The following TRAPPC10 variants were observed in gnomAD, a reference collection of about 807,000 sequenced individuals.
The protein encoded by TRAPPC10 is TRAPP 130 kDa subunit.
TRAPPC10 carries 23 observed loss-of-function variants against 125.5 expected under a neutral mutation model. That is an observed-to-expected ratio of 0.18 (90% CI 0.13 to 0.26). The LOEUF (loss-of-function observed/expected upper bound fraction) is 0.26. TRAPPC10 is among the 10% of genes least tolerant of loss of function. TRAPPC10 has a pLI of 1.00. For missense variants in TRAPPC10, 1,123 were observed against 1,308.4 expected (o/e 0.86, Z 2.19); for synonymous variants, 509 against 518.0 (o/e 0.98, Z 0.24).
At chr21:44,019,987 C>CAAAAAGCT (rs2032317169) in intron 1 of TRAPPC10, among the ~76,000 whole-genome samples, 1 of 152,060 alleles carries the variant, frequency 6.6e-6, no homozygotes, top group African/African-American at 2.4e-5. Context: ...GTGCTCTCTC[C>CAAAAAGCT]CTTATGTGGC....
chr21:44,041,886 C>T (rs564496190), intron 3 of TRAPPC10, among the ~76,000 whole-genome samples: 6 of 151,828 alleles, frequency 4.0e-5, no homozygotes, highest in East Asian at 1.9e-4. Flanking sequence ...CCACCATGCC[C>T]GGCTAATTTT....
chr21:44,061,755 A>G (rs769190271), intron 6 of TRAPPC10, among the ~76,000 whole-genome samples: 1 of 152,162 alleles, frequency 6.6e-6, no homozygotes, highest in South Asian at 2.1e-4. Context: ...AATGCCTAGA[A>G]CTTAATCTGT....
chr21:44,049,880 T>TTC (rs201325844), intron 3 of TRAPPC10, among the ~76,000 whole-genome samples: 4 of 144,284 alleles, frequency 2.8e-5, no homozygotes, highest in Non-Finnish European at 1.5e-5. Flanking sequence ...CTTTCTTTCT[T>TTC]TTTTTTTTGT....
chr21:44,086,785 G>A lies in TRAPPC10; in HGVS notation c.2381-17G>A, dbSNP rs368509295. On this transcript the variant is annotated splice_polypyrimidine_tract_variant and intron_variant, in intron 15 of 22. Transcript: ENST00000291574. ...CCGGTTGGCAGCGGTGCTGAGCCAC[G>A]ATCTCTTTTCCTTTAGATAGCCTTC... 3 of 1,612,980 alleles carry A rather than the reference G, an allele frequency of 1.9e-6. No homozygotes were observed. The highest frequency in any genetic ancestry group is 1.3e-5 in the African/African-American group (1 of 75,020).
At chr21:44,064,434 T>C (rs904017223) in intron 7 of TRAPPC10, among the ~76,000 whole-genome samples, 4 of 151,958 alleles carry the variant, frequency 2.6e-5, no homozygotes, top group African/African-American at 9.7e-5. Context: ...GACATTGTAG[T>C]GAGATGAAAG....
chr21:44,094,059 C>G lies in TRAPPC10; in HGVS notation c.2998-4C>G, dbSNP rs767244298. 5.0e-6 allele frequency: 8 copies of G among 1,612,016 alleles called. No homozygotes were observed. Among genetic ancestry groups the G allele is most frequent in the African/African-American group, 4.0e-5 (3 of 74,828 alleles). ...TGAGCAGTGACCCCCAACTCTCTTT[C>G]CAGCCCATCTACAGCAAGCAGTCGG... On this transcript the variant is annotated splice_region_variant and splice_polypyrimidine_tract_variant and intron_variant, in intron 19 of 22. Transcript: ENST00000291574.
intron 1 of TRAPPC10, among the ~76,000 whole-genome samples, chr21:44,024,636 C>G (rs2032879186): frequency 6.6e-6 from 1 of 152,198 alleles, no homozygotes; most frequent in Admixed American, 6.5e-5. Flanking sequence ...CATAGCTCCT[C>G]TCTCTGAGAT....
intron 15 of TRAPPC10, among the ~76,000 whole-genome samples, chr21:44,086,220 C>G (rs2038121272): frequency 6.6e-6 from 1 of 152,232 alleles, no homozygotes; most frequent in Non-Finnish European, 1.5e-5. Context: ...TCTCTGTCCA[C>G]TCTCCCCCCG....
intron 3 of TRAPPC10, among the ~76,000 whole-genome samples, 164 bp from the exon 4 acceptor site, chr21:44,052,116 C>T (rs1024405198): frequency 2.0e-4 from 30 of 152,320 alleles, no homozygotes; most frequent in African/African-American, 5.8e-4. Context: ...AGAGCACGCC[C>T]GCAGGCTTGC....
chr21:44,023,288 G>A (rs555633676), intron 1 of TRAPPC10, among the ~76,000 whole-genome samples: 1 of 152,020 alleles, frequency 6.6e-6, no homozygotes, highest in African/African-American at 2.4e-5. Flanking sequence ...TCCCGCCTCA[G>A]CCTCCCAAAG....
At chr21:44,077,888 A>T in intron 11 of TRAPPC10, 104 bp downstream of exon 11, 1 of 805,498 alleles carries the variant, frequency 1.2e-6, no homozygotes, top group Non-Finnish European at 1.9e-6. Context: ...TTGTAGACTG[A>T]AAAGTGTAGA....
At chr21:44,033,504 A>G (rs902453362) in intron 2 of TRAPPC10, among the ~76,000 whole-genome samples, 1 of 152,278 alleles carries the variant, frequency 6.6e-6, no homozygotes, top group African/African-American at 2.4e-5. Context: ...GCATTCTGAT[A>G]GATAAAGGGA....
At chr21:44,016,495 C>A (rs748962631) in intron 1 of TRAPPC10, among the ~76,000 whole-genome samples, 2 of 152,178 alleles carry the variant, frequency 1.3e-5, no homozygotes, top group African/African-American at 4.8e-5. Flanking sequence ...TCATTAGTCA[C>A]ATCTGTTGCC....
chr21:44,034,773 G>T (rs940796257), intron 2 of TRAPPC10, among the ~76,000 whole-genome samples: 1 of 152,174 alleles, frequency 6.6e-6, no homozygotes, highest in Admixed American at 6.5e-5. Context: ...CCTTGTAAGA[G>T]GCAGAAGAGA....
chr21:44,087,802 A>C lies in TRAPPC10; in HGVS notation c.2643A>C (p.Glu881Asp), dbSNP rs776161165. ...ACCACGTGATCGAATTTGAACTGGA[A>C]GTTCTCTCTTTACCTTCAGCCCCAG... ...PAYHVIEFEL[E>D]VLSLPSAPAL... The change falls in exon 17 of 23, where the codon GAA becomes GAC. Residue 881 changes from glutamate to aspartate, a missense_variant. By Grantham distance (45) the Glu-to-Asp change is conservative. Coordinates refer to ENST00000291574, the MANE Select transcript of TRAPPC10 (RefSeq NM_003274.5). The surrounding 1 kb of genome is among the most constrained non-coding windows in gnomAD (Gnocchi z 4.6). The C allele has an allele frequency of 4.3e-6, 7 of 1,614,226 alleles. No individual in the cohort carries two copies. Among genetic ancestry groups the C allele is most frequent in the Non-Finnish European group, 5.1e-6 (6 of 1,180,050 alleles).
Position 44,083,008 on chromosome 21 carries a change from C to T in TRAPPC10, c.1944C>T (p.His648=). 6.2e-7 allele frequency: 1 copy of T among 1,614,052 alleles called. No homozygotes were observed. The highest frequency in any genetic ancestry group is 1.1e-5 in the South Asian group (1 of 91,078). ...YRKTAEWLTK[H]KTSNGIINFP... is the part of the protein sequence containing the mutation. ...AGACTGCGGAGTGGCTTACCAAGCA[C>T]AAGACGTCCAATGGGATCATTAACT... is the stretch of plus-strand genomic sequence containing the variant. Residue 648 remains histidine, a synonymous_variant, in exon 14 of 23, where the codon CAC becomes CAT. Transcript: ENST00000291574.
chr21:44,076,381 T>G (rs1281348064), intron 9 of TRAPPC10, among the ~76,000 whole-genome samples, 171 bp from the exon 10 acceptor site: 1 of 152,222 alleles, frequency 6.6e-6, no homozygotes. Flanking sequence ...TATGAATATG[T>G]GAATTGAAAG....
chr21:44,016,003 A>G (rs1049354807), intron 1 of TRAPPC10, among the ~76,000 whole-genome samples: 2 of 152,250 alleles, frequency 1.3e-5, no homozygotes, highest in African/African-American at 4.8e-5. Context: ...GGGCCTTCTT[A>G]AACTCAGAAC....
chr21:44,079,952 C>T, intron 12 of TRAPPC10, 63 bp from the exon 13 acceptor site: 1 of 1,440,742 alleles, frequency 6.9e-7, no homozygotes, highest in Admixed American at 1.8e-5. Flanking sequence ...GGAGACTTTG[C>T]ATCCACTTCC....
Sources: gnomAD v4.1 joint callset for allele counts (sites outside exome capture counted in the v4.1 genomes callset) on GRCh38, gnomAD v4.1.1 for gene constraint, Gnocchi (gnomAD v3.1) non-coding constraint, MANE v1.5 for transcripts, NCBI Gene and HGNC (gene_info 2026-07-23, HGNC 2026-07-21) for gene names.